Variants in PTK2 observed in about 807,000 individuals in gnomAD.
The protein encoded by PTK2 is focal adhesion kinase 1.
A neutral mutation model predicts 150.1 loss-of-function variants in PTK2; 45 were observed. The observed-to-expected ratio is 0.30, with a 90% CI of 0.24 to 0.38. PTK2 has a LOEUF of 0.38. Among genes scored for constraint, PTK2 ranks in the 10% least tolerant of loss-of-function variants. PTK2 has a pLI of 1.00. For missense variants in PTK2, 919 were observed against 1,307.3 expected, an observed-to-expected ratio of 0.70 and a Z score of 4.58; for synonymous variants, 432 against 449.2, an observed-to-expected ratio of 0.96 and a Z score of 0.48.
chr8:140,970,855 AACATGTCTGACTACAACAG>A (rs1490889308), intron 1 of PTK2, among the ~76,000 whole-genome samples: 3 of 53,928 alleles, frequency 5.6e-5, no homozygotes, highest in Non-Finnish European at 1.6e-4. Flanking sequence ...GTCTGACTAC[AACATGTCTGACTACAACAG>A]ACAAAGAAAT....
chr8:140,804,427 AG>A (rs1415999737), intron 10 of PTK2, among the ~76,000 whole-genome samples: 8 of 149,856 alleles, frequency 5.3e-5, no homozygotes, highest in African/African-American at 1.5e-4. Context: ...CTCTACCAAA[AG>A]AAAAAAAAAA....
chr8:140,860,923 G>A (rs746186225), intron 5 of PTK2, among the ~76,000 whole-genome samples: 4 of 152,212 alleles, frequency 2.6e-5, no homozygotes, highest in Non-Finnish European at 5.9e-5. Context: ...ATGTGACCAT[G>A]ACTATACTTT....
intron 27 of PTK2, among the ~76,000 whole-genome samples, chr8:140,686,117 T>A (rs926078228): frequency 1.3e-5 from 2 of 152,184 alleles, no homozygotes; most frequent in African/African-American, 4.8e-5. Context: ...ATTATCATTA[T>A]CTTAAGTGAA....
intron 1 of PTK2, among the ~76,000 whole-genome samples, chr8:140,929,271 T>C (rs2100170864): frequency 6.6e-6 from 1 of 152,186 alleles, no homozygotes; most frequent in Non-Finnish European, 1.5e-5. Context: ...GGCCACAATT[T>C]TTTAACTTAA....
chr8:140,855,810 T>C (rs1220724820), intron 5 of PTK2, among the ~76,000 whole-genome samples: 2 of 152,156 alleles, frequency 1.3e-5, no homozygotes, highest in African/African-American at 4.8e-5. Context: ...CTATAGACTT[T>C]CAGTTTTATA....
intron 13 of PTK2, among the ~76,000 whole-genome samples, chr8:140,791,021 A>G (rs1010912875): frequency 6.6e-6 from 1 of 152,358 alleles, no homozygotes; most frequent in East Asian, 1.9e-4. Context: ...ATCAACAGCA[A>G]TAATGGTGTC....
chr8:140,993,282 G>A (rs978305673), intron 1 of PTK2, among the ~76,000 whole-genome samples: 4 of 152,152 alleles, frequency 2.6e-5, no homozygotes, highest in Non-Finnish European at 4.4e-5. Context: ...CAAAGTGCTG[G>A]AATTACAGGC....
chr8:140,761,573 C>T (rs2100069458), intron 15 of PTK2, among the ~76,000 whole-genome samples: 1 of 151,842 alleles, frequency 6.6e-6, no homozygotes, highest in Admixed American at 6.6e-5. Context: ...AATAATTGCC[C>T]CAACTATTAA....
At chr8:140,999,645 G>C (rs766908617) in intron 1 of PTK2, among the ~76,000 whole-genome samples, 1 of 152,170 alleles carries the variant, frequency 6.6e-6, no homozygotes, top group African/African-American at 2.4e-5. Flanking sequence ...CTTGTAACTA[G>C]TTCATCCGTG....
chr8:140,718,666 C>G (rs2100041120), intron 22 of PTK2: 1 of 152,114 alleles, frequency 6.6e-6, no homozygotes, highest in Non-Finnish European at 1.5e-5. Context: ...ACCAGACTTT[C>G]TAATCTGGGA....
rs1408144136 is a variant in PTK2, at chr8:140,851,574, A to AG, written c.451-4897dup. 5.3e-5 allele frequency among the ~76,000 whole-genome samples: 8 copies of AG among 152,270 alleles called. No individual in the cohort carries two copies. In the East Asian group the frequency reaches 9.6e-4, roughly 18 times the overall value. ...CCCAAATTTTATTAAAAGTAAATGA[A>AG]GGGGCCAGGCATGGTGGCTCACACC... On this transcript the variant is annotated intron_variant, in intron 5 of 31. Transcript: ENST00000522684.
intron 22 of PTK2, among the ~76,000 whole-genome samples, chr8:140,733,589 G>A (rs1488471217): frequency 1.3e-5 from 2 of 152,130 alleles, no homozygotes; most frequent in Non-Finnish European, 2.9e-5. Context: ...AAAGATCAAG[G>A]AGGAACAAAT....
chr8:140,744,714 G>A (rs879027025), exon 19 of PTK2: 8 of 1,601,396 alleles, frequency 5.0e-6, no homozygotes, highest in Non-Finnish European at 6.8e-6. Context: ...AGGCATACAG[G>A]ATCAAAGATG....
chr8:140,792,682 GAGAAGAAGGAGAGGGAC>G (rs2100089194), intron 13 of PTK2, among the ~76,000 whole-genome samples: 1 of 152,306 alleles, frequency 6.6e-6, no homozygotes, highest in African/African-American at 2.4e-5. Context: ...ACTGGCTATG[GAGAAGAAGGAGAGGGAC>G]AGAACAAAGC....
intron 1 of PTK2, among the ~76,000 whole-genome samples, chr8:140,944,399 A>G (rs1325047098): frequency 2.6e-5 from 4 of 152,186 alleles, no homozygotes; most frequent in African/African-American, 7.2e-5. Flanking sequence ...ATGACTCCCA[A>G]TTGTGCACTG....
intron 27 of PTK2, among the ~76,000 whole-genome samples, chr8:140,678,423 T>C (rs959983832): frequency 9.9e-5 from 15 of 152,190 alleles, no homozygotes; most frequent in African/African-American, 3.6e-4. Context: ...CTTTGTTCAC[T>C]GTAGACTCGA....
chr8:140,765,985 C>T (rs1486543513), intron 14 of PTK2, among the ~76,000 whole-genome samples: 1 of 152,180 alleles, frequency 6.6e-6, no homozygotes, highest in East Asian at 1.9e-4. Context: ...TGTCTTTCCA[C>T]ACAACAGCCC....
At chr8:140,688,317 C>A (rs1294475345) in intron 26 of PTK2, among the ~76,000 whole-genome samples, 7 of 152,116 alleles carry the variant, frequency 4.6e-5, no homozygotes, top group African/African-American at 9.7e-5. Context: ...TCAGTGTTGA[C>A]TGAATTAACC....
At chr8:140,903,336 CTATCTGTTTTGGTACCAGTACCATAA>C (rs912991760) in intron 2 of PTK2, among the ~76,000 whole-genome samples, 3 of 152,062 alleles carry the variant, frequency 2.0e-5, no homozygotes, top group Non-Finnish European at 2.9e-5. Context: ...TTCCACTGGT[CTATCTGTTTTGGTACCAGTACCATAA>C]TATCTGTTTT....
Sources: gnomAD v4.1 joint callset for allele counts (sites outside exome capture counted in the v4.1 genomes callset) on GRCh38, gnomAD v4.1.1 for gene constraint, MANE v1.5 for transcripts, NCBI Gene and HGNC (gene_info 2026-07-23, HGNC 2026-07-21) for gene names.